DNAH10: variants seen among roughly 807,000 people sequenced by gnomAD.
DNAH10 encodes the protein axonemal beta dynein heavy chain 10.
In DNAH10, 348 loss-of-function variants were observed where a neutral mutation model predicts 506.6. The observed-to-expected ratio is 0.69, with a 90% CI of 0.63 to 0.75. The LOEUF (loss-of-function observed/expected upper bound fraction) is 0.75. Among genes scored for constraint, DNAH10 ranks in the 30% least tolerant of loss-of-function variants. DNAH10 has a pLI of 0.00. For missense variants in DNAH10, 5,179 were observed against 5,787.1 expected, an observed-to-expected ratio of 0.89 and a Z score of 3.41; for synonymous variants, 2,059 against 2,198.6, an observed-to-expected ratio of 0.94 and a Z score of 1.78.
chr12:123,855,815 C>T (rs946352608), intron 36 of DNAH10, among the ~76,000 whole-genome samples: 1 of 151,064 alleles, frequency 6.6e-6, no homozygotes, highest in African/African-American at 2.4e-5. Context: ...TTTTCTTCTC[C>T]TTGCACGGCC....
In DNAH10 at chr12:123,762,325, C is replaced by A; in HGVS notation, c.-12C>A. 2 of 1,319,852 alleles carry A rather than the reference C, an allele frequency of 1.5e-6. No individual in the cohort carries two copies. Among genetic ancestry groups the A allele is most frequent in the Non-Finnish European group, 1.9e-6 (2 of 1,032,988 alleles). The allele number at this position is 1,319,852 out of a possible 1,614,324, so 81.8% of individuals were successfully genotyped here. A position where few individuals can be genotyped will look rare whatever the true frequency, so the allele number is the denominator to read the frequency against. The stretch of plus-strand genomic sequence containing the variant: ...CGCCCTGCGCCCGGCTCCCTCTGCA[C>A]TGCGCGGCGCCATGGACGACCTGCG... On this transcript the variant is annotated 5_prime_UTR_variant, in exon 1 of 79. In the 5' UTR this introduces an upstream ATG that the reference lacks. Transcript: ENST00000673944. The surrounding 1 kb of genome is among the most constrained non-coding windows in gnomAD (Gnocchi z 5.0).
Position 123,879,343 on chromosome 12 carries a change from A to G in DNAH10, c.8452A>G (p.Thr2818Ala), listed in dbSNP as rs776115343. The change falls in exon 49 of 79, where the codon ACA (threonine) becomes GCA (alanine). Residue 2818 changes from threonine (T) to alanine (A), a missense_variant. Transcript: ENST00000673944. ...RVFHDRLISE[T>A]DKQLVQQHIG... The stretch of plus-strand genomic sequence containing the variant: ...CTTCCACGACCGGCTGATCAGTGAA[A>G]CAGACAAGCAGCTGGTCAGTACATC... The G allele has an allele frequency of 5.1e-6, 8 of 1,567,610 alleles. No homozygotes were observed. Among genetic ancestry groups the G allele is most frequent in the East Asian group, 4.7e-5 (2 of 42,422 alleles).
intron 70 of DNAH10, 62 bp from the exon 71 acceptor site, chr12:123,929,213 A>T (rs1955087474): frequency 8.0e-6 from 12 of 1,507,868 alleles, no homozygotes; most frequent in Non-Finnish European, 1.1e-5. Flanking sequence ...TGCATTGTGC[A>T]CACTCTTCCA....
chr12:123,793,936 T>C lies in DNAH10; in HGVS notation c.1816-6T>C. ...CATGAGGGTTGTTTTGTTGATTTTT[T>C]TGCAGGTTATTGAGAAAGAAGCAAA... On this transcript the variant is annotated splice_region_variant and splice_polypyrimidine_tract_variant and intron_variant, in intron 11 of 78. Coordinates refer to ENST00000673944, the MANE Select transcript of DNAH10 (RefSeq NM_001372106.1). The C allele has an allele frequency of 2.5e-6, 3 of 1,204,734 alleles. No homozygotes were observed. The highest frequency in any genetic ancestry group is 3.2e-6 in the Non-Finnish European group (3 of 939,152). The allele number at this position is 1,204,734 out of a possible 1,614,324, so 74.6% of individuals were successfully genotyped here. A position where few individuals can be genotyped will look rare whatever the true frequency, so the allele number is the denominator to read the frequency against.
intron 1 of DNAH10, among the ~76,000 whole-genome samples, chr12:123,764,820 G>A (rs1450667150): frequency 1.3e-5 from 2 of 151,956 alleles, no homozygotes; most frequent in African/African-American, 4.8e-5. Context: ...TGGATTCCTC[G>A]CCGAAGATGC....
At position 123,902,377 on chromosome 12, in the gene DNAH10, CG is replaced by C. The variant is rs1385656558; in HGVS notation, c.9641-558del. 6.6e-6 allele frequency among the ~76,000 whole-genome samples: 1 copy of C among 152,162 alleles called. No individual in the cohort carries two copies. The highest frequency in any genetic ancestry group is 1.5e-5 in the Non-Finnish European group (1 of 68,030). ...CTCTAGGTTTTGGGGTTCCGGCCCTCGGGGAGGTGCTGACATCCTAGTGAGT... is the reference window on the plus strand; with the variant it reads ...CTCTAGGTTTTGGGGTTCCGGCCCTCGGGAGGTGCTGACATCCTAGTGAGT... On this transcript the variant is annotated intron_variant, in intron 56 of 78. Transcript: ENST00000673944. The surrounding 1 kb of genome is among the most constrained non-coding windows in gnomAD (Gnocchi z 4.5).
intron 32 of DNAH10, among the ~76,000 whole-genome samples, chr12:123,847,143 T>TATCC (rs57589181): frequency 0.27 from 38,583 of 144,730 alleles, 6,176 homozygotes; most frequent in Non-Finnish European, 0.36. Context: ...TCCATCTACA[T>TATCC]ATCCATCCAT....
intron 45 of DNAH10, among the ~76,000 whole-genome samples, chr12:123,873,208 C>A (rs552242445): frequency 2.6e-5 from 4 of 152,310 alleles, no homozygotes; most frequent in Non-Finnish European, 5.9e-5. Flanking sequence ...CCATTACGAT[C>A]GTCTTACAAG....
In DNAH10 at chr12:123,914,431, G is replaced by C; in HGVS notation, c.10455G>C (p.Trp3485Cys). 6.2e-7 allele frequency: 1 copy of C among 1,613,766 alleles called. No individual in the cohort carries two copies. Among genetic ancestry groups the C allele is most frequent in the Non-Finnish European group, 8.5e-7 (1 of 1,179,896 alleles). ...TCAGCTACGAGGGAGCCTTCACCTGGGAGTTCCGTGACGAGATGGTCAATC... is the reference window on the plus strand; with the variant it reads ...TCAGCTACGAGGGAGCCTTCACCTGCGAGTTCCGTGACGAGATGGTCAATC... The part of the protein sequence containing the change: ...AFLSYEGAFT[W>C]EFRDEMVNRI... Residue 3485 changes from tryptophan to cysteine, a missense_variant, in exon 61 of 79, where the codon TGG (tryptophan) becomes TGC (cysteine). By Grantham distance (215) the Trp-to-Cys change is radical. Around this residue, in one of 3 missense-constraint regions of DNAH10, gnomAD observed 4,844 missense variants for 5,430.5 expected, o/e 0.89. Coordinates refer to ENST00000673944, the MANE Select transcript of DNAH10 (RefSeq NM_001372106.1).
chr12:123,793,305 CA>C (rs1336731493), intron 11 of DNAH10, among the ~76,000 whole-genome samples: 1 of 151,776 alleles, frequency 6.6e-6, no homozygotes. Flanking sequence ...CCCCTATTTT[CA>C]GCATTAGGTT....
intron 46 of DNAH10, among the ~76,000 whole-genome samples, chr12:123,874,293 A>G (rs1952154134): frequency 6.6e-6 from 1 of 151,386 alleles, no homozygotes; most frequent in African/African-American, 2.4e-5. Context: ...CCATCCATCC[A>G]TCCATCCATC....
At position 123,926,378 on chromosome 12, in the gene DNAH10, A is replaced by C; in HGVS notation, c.11922-259A>C. 1 of 430,790 alleles carries C rather than the reference A, an allele frequency of 2.3e-6. No homozygotes were observed. The highest frequency in any genetic ancestry group is 4.0e-6 in the Non-Finnish European group (1 of 248,300). The allele number at this position is 430,790 out of a possible 1,614,324, so 26.7% of individuals were successfully genotyped here. On this transcript the variant is annotated intron_variant, in intron 68 of 78. Coordinates refer to ENST00000673944, the MANE Select transcript of DNAH10 (RefSeq NM_001372106.1). The surrounding 1 kb of genome is among the most constrained non-coding windows in gnomAD (Gnocchi z 4.1). ...GCAGGCCCACCTAGAGGGCAAGCTGAGGTGCCCAGCTCAGCACAAACCAAC... is the reference window on the plus strand; with the variant it reads ...GCAGGCCCACCTAGAGGGCAAGCTGCGGTGCCCAGCTCAGCACAAACCAAC...
Position 123,783,943 on chromosome 12 carries a change from T to C in DNAH10, c.1000-4T>C. The C allele has an allele frequency of 6.2e-7, 1 of 1,613,750 alleles. No individual in the cohort carries two copies. The highest frequency in any genetic ancestry group is 1.3e-5 in the African/African-American group (1 of 75,044). On this transcript the variant is annotated splice_polypyrimidine_tract_variant and splice_region_variant and intron_variant, in intron 7 of 78. Transcript: ENST00000673944. ...GTTCTTTGTGTGTTCATTTCACCTC[T>C]CAGGGTAAAGGCCCTCTGGCTGAAA...
In DNAH10 at chr12:123,873,697, T is replaced by C. The variant is rs200476898; in HGVS notation, c.7925T>C (p.Met2642Thr). 5.0e-6 allele frequency: 8 copies of C among 1,610,034 alleles called. No homozygotes were observed. Among genetic ancestry groups the C allele is most frequent in the Non-Finnish European group, 5.9e-6 (7 of 1,178,114 alleles). ...GKRLLVFMDD[M>T]NMPRVDEYGT... ...CGCCTGCTGGTGTTCATGGATGACATGAATATGCCAAGGGTAGTTTGACGC... is the reference window on the plus strand; with the variant it reads ...CGCCTGCTGGTGTTCATGGATGACACGAATATGCCAAGGGTAGTTTGACGC... The change falls in exon 46 of 79, where the codon ATG becomes ACG. Residue 2642 changes from methionine to threonine, a missense_variant. Transcript: ENST00000673944.
intron 43 of DNAH10, among the ~76,000 whole-genome samples, chr12:123,869,924 C>T (rs1951961548): frequency 6.6e-6 from 1 of 152,192 alleles, no homozygotes; most frequent in Admixed American, 6.5e-5. Flanking sequence ...TTGTTCCTGC[C>T]CCTCTCCTGC....
intron 1 of DNAH10, among the ~76,000 whole-genome samples, chr12:123,766,943 T>C (rs1255137052): frequency 6.6e-6 from 1 of 151,234 alleles, no homozygotes; most frequent in African/African-American, 2.4e-5. Flanking sequence ...CCTCACTTTG[T>C]CTCCCAGGCT....
intron 1 of DNAH10, among the ~76,000 whole-genome samples, chr12:123,765,585 T>TATCTATCTATCTATCTATCTA (rs1555302053): frequency 8.5e-4 from 130 of 152,114 alleles, no homozygotes; most frequent in Middle Eastern, 3.4e-3. Context: ...TCTATCTATC[T>TATCTATCTATCTATCTATCTA]ATCTATCTAT....
rs953347767 is a variant in DNAH10, at chr12:123,833,303, C to G, written c.4735C>G (p.His1579Asp). The change falls in exon 27 of 79, where the codon CAC becomes GAC. Residue 1579 changes from histidine to aspartate, a missense_variant. This residue lies in a region of DNAH10 where 4,844 missense variants were observed against 5,430.5 expected (regional missense o/e 0.89). Transcript: ENST00000673944. ...RFVGPFLQTV[H>D]KWEKTLSLIG... is the part of the protein sequence containing the mutation. ...TGTGGGGCCTTTTCTGCAAACTGTT[C>G]ACAAATGGGAAAAAACGCTTTCTCT... 9 of 1,613,326 alleles carry G rather than the reference C, an allele frequency of 5.6e-6. No homozygotes were observed. The African/African-American group carries it at 8.0e-5, about 14-fold the overall frequency.
At chr12:123,780,719 C>T (rs376873434) in intron 5 of DNAH10, among the ~76,000 whole-genome samples, 49 of 150,838 alleles carry the variant, frequency 3.2e-4, no homozygotes, top group Non-Finnish European at 3.5e-4. Context: ...TTTGGGAGGC[C>T]GGGGGTGGAT....
Sources: gnomAD v4.1 joint callset for allele counts (sites outside exome capture counted in the v4.1 genomes callset) on GRCh38, gnomAD v4.1.1 for gene constraint, gnomAD v4.1.1 regional missense constraint, Gnocchi (gnomAD v3.1) non-coding constraint, MANE v1.5 for transcripts, NCBI Gene and HGNC (gene_info 2026-07-23, HGNC 2026-07-21) for gene names.